The following SGCD variants were observed in gnomAD, a reference collection of about 807,000 sequenced individuals.
SGCD encodes the protein sarcoglycan delta.
A neutral mutation model predicts 36.6 loss-of-function variants in SGCD; 18 were observed. That is an observed-to-expected ratio of 0.49 (90% CI 0.34 to 0.73). The LOEUF (loss-of-function observed/expected upper bound fraction) is 0.73, where lower values mean the gene tolerates loss of function less well. Among genes scored for constraint, SGCD ranks in the 30% least tolerant of loss-of-function variants. SGCD has a pLI of 0.01. For synonymous variants in SGCD, 133 were observed against 130.6 expected, an observed-to-expected ratio of 1.02 and a Z score of -0.12; for missense variants, 387 against 346.7, an observed-to-expected ratio of 1.12 and a Z score of -0.92.
At chr5:156,126,756 G>A (rs917132358) in intron 3 of SGCD, among the ~76,000 whole-genome samples, 6 of 152,176 alleles carry the variant, frequency 3.9e-5, no homozygotes, top group African/African-American at 1.2e-4. Flanking sequence ...GCAAATCAAA[G>A]TTCCAATAAA....
intron 7 of SGCD, among the ~76,000 whole-genome samples, chr5:156,667,895 C>A (rs1054609810): frequency 6.6e-6 from 1 of 152,104 alleles, no homozygotes; most frequent in African/African-American, 2.4e-5. Context: ...ATCATGGTAA[C>A]CAAAAATTCT....
intron 3 of SGCD, among the ~76,000 whole-genome samples, chr5:156,287,928 A>G (rs1205324837): frequency 6.6e-6 from 1 of 152,074 alleles, no homozygotes; most frequent in Admixed American, 6.6e-5. Context: ...GATAGAAAAT[A>G]TATGCCAAGT....
intron 3 of SGCD, among the ~76,000 whole-genome samples, chr5:156,164,422 T>C (rs1349570910): frequency 6.6e-6 from 1 of 152,172 alleles, no homozygotes; most frequent in African/African-American, 2.4e-5. Context: ...CTTTTCAGCC[T>C]TGTTCCCCAC....
chr5:156,206,866 T>G (rs999674977), intron 3 of SGCD, among the ~76,000 whole-genome samples: 3 of 151,986 alleles, frequency 2.0e-5, no homozygotes, highest in Admixed American at 2.0e-4. Flanking sequence ...CAAAGGTGAC[T>G]CCCTAGGCTC....
At chr5:155,814,392 C>T in the SGCD span, among the ~76,000 whole-genome samples, 6 of 152,206 alleles carry the variant, frequency 3.9e-5, no homozygotes, top group South Asian at 4.1e-4. Context: ...CCTCTTGCTA[C>T]GTATTCTCAT....
At chr5:156,362,419 G>A (rs961582366) in intron 3 of SGCD, among the ~76,000 whole-genome samples, 3 of 152,192 alleles carry the variant, frequency 2.0e-5, no homozygotes, top group South Asian at 2.1e-4. Context: ...AGGCCCAGGC[G>A]GGCGGATCAT....
At chr5:156,604,794 A>AT (rs1561808648) in intron 6 of SGCD, among the ~76,000 whole-genome samples, 13 of 135,992 alleles carry the variant, frequency 9.6e-5, no homozygotes, top group South Asian at 2.3e-4. Flanking sequence ...TTATATGTAT[A>AT]ATATATATAA....
chr5:156,196,252 A>T (rs1561560646), intron 3 of SGCD, among the ~76,000 whole-genome samples: 1 of 152,208 alleles, frequency 6.6e-6, no homozygotes, highest in East Asian at 1.9e-4. Flanking sequence ...AAATAATTGA[A>T]GGACCCTGGC....
At chr5:155,808,016 C>T in the SGCD span, among the ~76,000 whole-genome samples, 3 of 152,186 alleles carry the variant, frequency 2.0e-5, no homozygotes, top group Non-Finnish European at 4.4e-5. Flanking sequence ...ATTGCTATAT[C>T]TGCAACCTTA....
the SGCD span, among the ~76,000 whole-genome samples, chr5:155,773,959 G>T: frequency 6.6e-6 from 1 of 152,100 alleles, no homozygotes; most frequent in African/African-American, 2.4e-5. Context: ...TCACCCCAGA[G>T]TCCACTGTAA....
At chr5:156,642,084 C>G (rs1763047894) in intron 6 of SGCD, among the ~76,000 whole-genome samples, 1 of 152,132 alleles carries the variant, frequency 6.6e-6, no homozygotes, top group South Asian at 2.1e-4. Context: ...TGCAGACATC[C>G]ATCATCTTAC....
At chr5:156,598,161 T>C (rs539894493) in intron 6 of SGCD, among the ~76,000 whole-genome samples, 1 of 152,358 alleles carries the variant, frequency 6.6e-6, no homozygotes, top group South Asian at 2.1e-4. Flanking sequence ...CAATTTATGC[T>C]TTCCTCTTTT....
intron 7 of SGCD, among the ~76,000 whole-genome samples, chr5:156,664,933 T>A (rs1196980956): frequency 2.7e-5 from 4 of 148,084 alleles, no homozygotes; most frequent in Non-Finnish European, 4.5e-5. Flanking sequence ...TACTGGGAAT[T>A]GCCATGCCTC....
At position 155,880,318 on chromosome 5, in the gene SGCD, C is replaced by G. The variant is rs953467997; in HGVS notation, c.-282+9894C>G. Among the ~76,000 whole-genome samples the G allele has an allele frequency of 2.0e-5, 3 of 152,056 alleles. No individual in the cohort carries two copies. The South Asian group carries it at 6.2e-4, about 32-fold the overall frequency. On this transcript the variant is annotated intron_variant, in intron 1 of 9. Transcript: ENST00000517913. ...AGGTATCTCAAGTTTCTGATGATAC[C>G]ACTGCTTTAAAAAATGTTTAAAAAT... is the stretch of plus-strand genomic sequence containing the variant.
intron 1 of SGCD, among the ~76,000 whole-genome samples, chr5:156,094,597 G>A (rs541933322): frequency 4.1e-4 from 63 of 152,266 alleles, no homozygotes; most frequent in African/African-American, 1.5e-3. Context: ...ATAGAGTCCA[G>A]ACAGTATTAC....
chr5:156,036,593 A>G (rs1759503854), intron 1 of SGCD, among the ~76,000 whole-genome samples: 3 of 152,208 alleles, frequency 2.0e-5, no homozygotes, highest in African/African-American at 7.2e-5. Context: ...AGAGAACAAA[A>G]CATCTTGAGA....
chr5:156,669,544 G>A (rs2113652853), intron 7 of SGCD, among the ~76,000 whole-genome samples: 1 of 152,248 alleles, frequency 6.6e-6, no homozygotes, highest in East Asian at 1.9e-4. Flanking sequence ...AGTAATTCAG[G>A]TAAGCACAAT....
At chr5:156,273,810 A>T (rs1766244501) in intron 3 of SGCD, among the ~76,000 whole-genome samples, 1 of 152,202 alleles carries the variant, frequency 6.6e-6, no homozygotes, top group Non-Finnish European at 1.5e-5. Context: ...CACTTTTTAA[A>T]AAAAGTCCTT....
chr5:156,444,098 C>A, intron 3 of SGCD, among the ~76,000 whole-genome samples: 1 of 119,552 alleles, frequency 8.4e-6, no homozygotes, highest in Non-Finnish European at 1.7e-5. Context: ...CTCTCTCTCT[C>A]TCTCTCTCTC....
Sources: gnomAD v4.1 joint callset for allele counts (sites outside exome capture counted in the v4.1 genomes callset) on GRCh38, gnomAD v4.1.1 for gene constraint, MANE v1.5 for transcripts, NCBI Gene and HGNC (gene_info 2026-07-23, HGNC 2026-07-21) for gene names.